The following MICU2 variants were observed in gnomAD, a reference collection of about 807,000 sequenced individuals.
MICU2 encodes the protein calcium uptake protein 2, mitochondrial.
MICU2 carries 64 observed loss-of-function variants against 60.4 expected under a neutral mutation model. That is an observed-to-expected ratio of 1.06 (90% confidence interval 0.87 to 1.31). The LOEUF is 1.31. MICU2 is among the 50% of genes most tolerant of loss of function. The pLI is 0.00. For missense variants in MICU2, 569 were observed against 531.0 expected (o/e 1.07, Z -0.70); for synonymous variants, 201 against 175.0 (o/e 1.15, Z -1.17).
chr13:21,530,162 C>T (rs1886952829), intron 4 of MICU2, among the ~76,000 whole-genome samples: 2 of 152,178 alleles, frequency 1.3e-5, no homozygotes, highest in Non-Finnish European at 2.9e-5. Flanking sequence ...CCTGCCAGTC[C>T]TTTATGAATG....
intron 1 of MICU2, among the ~76,000 whole-genome samples, chr13:21,568,700 C>T (rs565981390): frequency 7.2e-4 from 109 of 152,264 alleles, no homozygotes; most frequent in Non-Finnish European, 1.1e-3. Flanking sequence ...GCCATTAACT[C>T]TATGTTTCTT....
At chr13:21,530,702 G>T (rs9509780) in intron 4 of MICU2, 55,686 of 425,476 alleles carry the variant, frequency 0.13, 4,116 homozygotes, top group African/African-American at 0.19. Flanking sequence ...CACTGAGGGG[G>T]TCGGGGAGGC....
At chr13:21,567,735 A>G (rs537592385) in intron 1 of MICU2, among the ~76,000 whole-genome samples, 90 of 152,342 alleles carry the variant, frequency 5.9e-4, no homozygotes, top group African/African-American at 2.1e-3. Flanking sequence ...GAGCATTTCT[A>G]TGTATTAGGC....
chr13:21,585,657 T>C (rs58426792), intron 1 of MICU2, among the ~76,000 whole-genome samples: 3,464 of 152,328 alleles, frequency 0.023, 136 homozygotes, highest in African/African-American at 0.08. Context: ...AGATCCATCT[T>C]ATTAACTACA....
rs539577216 is a variant in MICU2, at chr13:21,531,316, T to A, written c.466+7986A>T. 2.6e-4 allele frequency: 403 copies of A among 1,570,128 alleles called. 1 individual carries two copies. Among genetic ancestry groups the A allele is most frequent in the Non-Finnish European group, 3.4e-4 (387 of 1,148,702 alleles). ...ACAGAAAATGACTCACCAACAAATG[T>A]ACAGCAATAACACCAACCCGAAAAA... On this transcript the variant is annotated intron_variant, in intron 4 of 11. Transcript: ENST00000382374.
At position 21,573,514 on chromosome 13, in the gene MICU2, C is replaced by T. The variant is rs141510703; in HGVS notation, c.211-6570G>A. ...GTCTTGATCTCCTGAGCTAGTGATC[C>T]GCCCACCTCGGCCTATAAAAGTGCT... On this transcript the variant is annotated intron_variant, in intron 1 of 11. Transcript: ENST00000382374. 6.4e-3 allele frequency among the ~76,000 whole-genome samples: 971 copies of T among 152,198 alleles called. 5 individuals carry two copies. The highest frequency in any genetic ancestry group is 0.014 in the Middle Eastern group (4 of 294).
At chr13:21,519,546 T>G (rs911452939) in intron 6 of MICU2, among the ~76,000 whole-genome samples, 2 of 152,226 alleles carry the variant, frequency 1.3e-5, no homozygotes, top group African/African-American at 4.8e-5. Context: ...AATGAAACAC[T>G]GCTCCCCAAG....
At chr13:21,565,356 T>C (rs528299121) in intron 2 of MICU2, among the ~76,000 whole-genome samples, 4 of 151,478 alleles carry the variant, frequency 2.6e-5, no homozygotes, top group Admixed American at 2.0e-4. Flanking sequence ...GGTGAAACTC[T>C]GTCTCTACTA....
At chr13:21,544,896 C>G (rs535618806) in intron 2 of MICU2, among the ~76,000 whole-genome samples, 1 of 152,306 alleles carries the variant, frequency 6.6e-6, no homozygotes, top group East Asian at 1.9e-4. Flanking sequence ...AAGCAATCCT[C>G]CCACCTCAGC....
chr13:21,498,809 G>C (rs1484598776), intron 9 of MICU2, among the ~76,000 whole-genome samples: 1 of 115,504 alleles, frequency 8.7e-6, no homozygotes, highest in Non-Finnish European at 1.9e-5. Context: ...AGATGATAGA[G>C]AGGGAAAAAA....
At chr13:21,600,793 C>G (rs1249886143) in intron 1 of MICU2, among the ~76,000 whole-genome samples, 1 of 150,790 alleles carries the variant, frequency 6.6e-6, no homozygotes, top group Non-Finnish European at 1.5e-5. Context: ...GACATATTCA[C>G]TATTATTATT....
In MICU2 at chr13:21,526,633, T is replaced by C. The variant is rs562597530; in HGVS notation, c.467-3983A>G. The stretch of plus-strand genomic sequence containing the variant: ...AAAATGTGCAGGCATTTACGGAGTT[T>C]AGATGATCAAAGATGTCACAGAGGA... On this transcript the variant is annotated intron_variant, in intron 4 of 11. Transcript: ENST00000382374. Among the ~76,000 whole-genome samples, 24 of 152,222 alleles carry C rather than the reference T, an allele frequency of 1.6e-4. No individual in the cohort carries two copies. The East Asian group carries it at 4.6e-3, about 29-fold the overall frequency.
At chr13:21,510,499 TG>T (rs1362992528) in intron 7 of MICU2, among the ~76,000 whole-genome samples, 1 of 152,196 alleles carries the variant, frequency 6.6e-6, no homozygotes, top group Admixed American at 6.5e-5. Context: ...TGGAAATACT[TG>T]GAAAACACTT....
chr13:21,529,388 G>T (rs1484734219), intron 4 of MICU2, among the ~76,000 whole-genome samples: 2 of 152,230 alleles, frequency 1.3e-5, no homozygotes, highest in Non-Finnish European at 2.9e-5. Context: ...TCCAAAACCA[G>T]GTGTCTGGCA....
intron 2 of MICU2, among the ~76,000 whole-genome samples, chr13:21,554,210 C>G (rs1270308494): frequency 2.6e-5 from 4 of 152,158 alleles, no homozygotes; most frequent in Non-Finnish European, 5.9e-5. Context: ...ACTCTCCACC[C>G]CAAATCAACA....
intron 1 of MICU2, among the ~76,000 whole-genome samples, chr13:21,569,774 C>T (rs1888066536): frequency 6.6e-6 from 1 of 150,536 alleles, no homozygotes; most frequent in Non-Finnish European, 1.5e-5. Context: ...TCAGTCTCCA[C>T]AATGCCCTTA....
At chr13:21,592,863 A>G (rs887291928) in intron 1 of MICU2, among the ~76,000 whole-genome samples, 1 of 152,258 alleles carries the variant, frequency 6.6e-6, no homozygotes, top group African/African-American at 2.4e-5. Flanking sequence ...GATGGAACAT[A>G]TCTCAAAATA....
intron 4 of MICU2, among the ~76,000 whole-genome samples, chr13:21,523,513 T>C (rs1366008256): frequency 4.6e-5 from 7 of 152,252 alleles, no homozygotes; most frequent in Non-Finnish European, 1.0e-4. Context: ...TAGTAATTAG[T>C]TCTTTGTAGC....
intron 1 of MICU2, 106 bp downstream of exon 1, chr13:21,603,833 A>T: frequency 7.8e-7 from 1 of 1,273,894 alleles, no homozygotes; most frequent in Non-Finnish European, 1.1e-6. Context: ...CGGCACCTCC[A>T]CCCACGGCTC....
Sources: gnomAD v4.1 joint callset for allele counts (sites outside exome capture counted in the v4.1 genomes callset) on GRCh38, gnomAD v4.1.1 for gene constraint, MANE v1.5 for transcripts, NCBI Gene and HGNC (gene_info 2026-07-23, HGNC 2026-07-21) for gene names.